BBS4: variants seen among roughly 807,000 people sequenced by gnomAD.
BBS4 encodes the protein Bardet-Biedl syndrome 4, also known as BBSome complex member BBS4.
A neutral mutation model predicts 71.4 loss-of-function variants in BBS4; 58 were observed. The observed-to-expected ratio is 0.81, with a 90% CI of 0.66 to 1.01. BBS4 has a LOEUF of 1.01. Among genes scored for constraint, BBS4 ranks in the 50% least tolerant of loss-of-function variants. BBS4 has a pLI of 0.00. For missense variants in BBS4, 660 were observed against 607.9 expected (o/e 1.09, Z -0.90); for synonymous variants, 228 against 216.8 (o/e 1.05, Z -0.46).
At chr15:72,719,373 G>T (rs1048337490) in intron 6 of BBS4, among the ~76,000 whole-genome samples, 1 of 151,112 alleles carries the variant, frequency 6.6e-6, no homozygotes. Context: ...TCCTGCCTCT[G>T]CCTCCTGAGT....
chr15:72,689,362 C>T (rs367976964), intron 1 of BBS4, among the ~76,000 whole-genome samples: 14 of 152,292 alleles, frequency 9.2e-5, no homozygotes, highest in East Asian at 3.9e-4. Context: ...AAATTACTTA[C>T]GGATTGCTAC....
At chr15:72,719,316 G>T (rs1298852784) in intron 6 of BBS4, among the ~76,000 whole-genome samples, 6 of 151,104 alleles carry the variant, frequency 4.0e-5, no homozygotes, top group Non-Finnish European at 8.9e-5. Flanking sequence ...GTATAGTGGG[G>T]TGATCATAGC....
At position 72,737,879 on chromosome 15, in the gene BBS4, A is replaced by G. The variant is rs761879626; in HGVS notation, c.*292A>G. On this transcript the variant is annotated 3_prime_UTR_variant, in exon 16 of 16. Coordinates refer to ENST00000268057, the MANE Select transcript of BBS4 (RefSeq NM_033028.5). ...ATGTATGTAGCTGAGTCAGCAAGGT[A>G]CATGATGCTGTCTGCTTTCAAAAGG... 6.3e-6 allele frequency: 3 copies of G among 472,618 alleles called. No homozygotes were observed. Among genetic ancestry groups the G allele is most frequent in the Middle Eastern group, 6.4e-4 (1 of 1,556 alleles). The allele number at this position is 472,618 out of a possible 1,614,324, so 29.3% of individuals were successfully genotyped here.
intron 12 of BBS4, 85 bp from the exon 13 acceptor site, chr15:72,735,028 G>T (rs780048567): frequency 1.0e-6 from 1 of 962,914 alleles, no homozygotes; most frequent in Non-Finnish European, 1.7e-6. Flanking sequence ...AGCTGACAGG[G>T]TGAAGTTTAC....
At chr15:72,717,437 G>A (rs1249247823) in intron 6 of BBS4, 1 of 152,924 alleles carries the variant, frequency 6.5e-6, no homozygotes, top group Non-Finnish European at 1.5e-5. Flanking sequence ...GTGGTCCTAG[G>A]ATGTCAAGAC....
In BBS4 at chr15:72,695,169, C is replaced by T; in HGVS notation, c.25-8C>T. On this transcript the variant is annotated splice_region_variant and splice_polypyrimidine_tract_variant and intron_variant, in intron 1 of 15. Transcript: ENST00000268057. ...GTGCTTCAATATAGACTACTTATTT[C>T]ATTTCAGAGAACTCAATTTCCTGTA... The T allele has an allele frequency of 6.2e-7, 1 of 1,600,026 alleles. No homozygotes were observed. The highest frequency in any genetic ancestry group is 8.6e-7 in the Non-Finnish European group (1 of 1,168,160).
intron 2 of BBS4, chr15:72,704,353 G>A: frequency 1.1e-6 from 1 of 928,462 alleles, no homozygotes; most frequent in Non-Finnish European, 1.5e-6. Context: ...TATGTTTTGT[G>A]GAGGATCTTT....
intron 6 of BBS4, among the ~76,000 whole-genome samples, chr15:72,720,211 G>A (rs894667568): frequency 1.3e-5 from 2 of 152,002 alleles, no homozygotes; most frequent in South Asian, 4.2e-4. Flanking sequence ...GCTGGAGCAT[G>A]GTGGCTCATA....
chr15:72,694,540 C>T (rs1011277211), intron 1 of BBS4, among the ~76,000 whole-genome samples: 3 of 152,040 alleles, frequency 2.0e-5, no homozygotes, highest in East Asian at 1.9e-4. Flanking sequence ...TGGTGCAGTT[C>T]GCTATGATGT....
At chr15:72,686,957 C>T (rs1018992809) in intron 1 of BBS4, 4 of 223,186 alleles carry the variant, frequency 1.8e-5, no homozygotes, top group African/African-American at 9.2e-5. Flanking sequence ...TTTCGAAAAA[C>T]GCCCTGGAAA....
intron 1 of BBS4, among the ~76,000 whole-genome samples, chr15:72,688,103 G>T (rs114586185): frequency 2.3e-5 from 3 of 127,706 alleles, no homozygotes; most frequent in South Asian, 2.7e-4. Flanking sequence ...AAGTGTAAAA[G>T]ATAATGGGTA....
Position 72,731,550 on chromosome 15 carries a change from C to T in BBS4, c.865-5C>T. 6.2e-7 allele frequency: 1 copy of T among 1,614,230 alleles called. No individual in the cohort carries two copies. The highest frequency in any genetic ancestry group is 8.5e-7 in the Non-Finnish European group (1 of 1,180,034). On this transcript the variant is annotated splice_region_variant and splice_polypyrimidine_tract_variant and intron_variant, in intron 11 of 15. Transcript: ENST00000268057. ...TTCTCATTGAGTGCCCCTTCTCTCT[C>T]ATAGGCCATCAGCTGCCTGAAACGA...
intron 1 of BBS4, among the ~76,000 whole-genome samples, chr15:72,687,934 G>GAA (rs778275825): frequency 5.0e-5 from 6 of 120,724 alleles, no homozygotes; most frequent in Admixed American, 8.7e-5. Context: ...CTCCGTCTCA[G>GAA]AAAAAAAAAA....
intron 2 of BBS4, among the ~76,000 whole-genome samples, chr15:72,703,986 A>G (rs146753199): frequency 6.6e-6 from 1 of 152,296 alleles, no homozygotes; most frequent in Non-Finnish European, 1.5e-5. Context: ...TTGAGGTGTC[A>G]TGTTTATTCA....
intron 2 of BBS4, chr15:72,704,329 T>C: frequency 1.4e-6 from 1 of 691,212 alleles, no homozygotes; most frequent in East Asian, 6.5e-5. Context: ...GACTCTGCTC[T>C]GCATTTACAT....
At chr15:72,719,131 C>T in intron 6 of BBS4, among the ~76,000 whole-genome samples, 1 of 152,126 alleles carries the variant, frequency 6.6e-6, no homozygotes, top group East Asian at 1.9e-4. Context: ...GGAAGCCCTG[C>T]ATTCTCTATG....
chr15:72,720,314 T>C (rs951145657), intron 6 of BBS4, among the ~76,000 whole-genome samples: 1 of 151,060 alleles, frequency 6.6e-6, no homozygotes, highest in Admixed American at 6.6e-5. Flanking sequence ...AGAGACCCAG[T>C]TTCTAGGAAA....
At chr15:72,712,970 A>G (rs2065402280) in intron 4 of BBS4, among the ~76,000 whole-genome samples, 1 of 151,868 alleles carries the variant, frequency 6.6e-6, no homozygotes, top group African/African-American at 2.4e-5. Flanking sequence ...ACATTTGTAC[A>G]AAAATAGTTT....
chr15:72,715,399 C>G lies in BBS4; in HGVS notation c.329C>G (p.Ser110Cys), dbSNP rs144696430. The G allele has an allele frequency of 1.1e-4, 185 of 1,611,590 alleles. No homozygotes were observed. The highest frequency in any genetic ancestry group is 1.5e-4 in the Non-Finnish European group (179 of 1,177,732). Residue 110 changes from serine (S) to cysteine (C), a missense_variant, in exon 5 of 16, where the codon TCT (serine) becomes TGT (cysteine). Coordinates refer to ENST00000268057, the MANE Select transcript of BBS4 (RefSeq NM_033028.5). ...SADNLKQVAR[S>C]LFLLGKHKAA... ...GATAACCTCAAGCAGGTGGCCAGAT[C>G]TTTGTGAGTATTGGCAACCTGGAGG... is the stretch of plus-strand genomic sequence containing the variant.
Sources: allele counts gnomAD v4.1 joint callset (sites outside exome capture counted in the v4.1 genomes callset), GRCh38; gene constraint gnomAD v4.1.1; transcripts MANE v1.5; gene names NCBI Gene and HGNC (gene_info 2026-07-23, HGNC 2026-07-21).